CFDP1: variants seen among roughly 807,000 people sequenced by gnomAD.
CFDP1 encodes chromatin remodeling protein CFDP1.
CFDP1 carries 31 observed loss-of-function variants against 40.1 expected under a neutral mutation model. The ratio of observed to expected loss-of-function variants is 0.77; its 90% CI spans 0.58 to 1.04. CFDP1 has a LOEUF of 1.04. Among genes scored for constraint, CFDP1 ranks in the 50% least tolerant of loss-of-function variants. CFDP1 has a pLI of 0.00. For missense variants in CFDP1, 423 were observed against 343.4 expected (o/e 1.23, Z -1.83); for synonymous variants, 167 against 120.0 (o/e 1.39, Z -2.56).
chr16:75,306,859 T>C (rs558196389), intron 5 of CFDP1, among the ~76,000 whole-genome samples: 1 of 150,832 alleles, frequency 6.6e-6, no homozygotes, highest in East Asian at 1.9e-4. Flanking sequence ...ACCCCTACAA[T>C]GTCATATGTG....
intron 5 of CFDP1, among the ~76,000 whole-genome samples, chr16:75,325,312 A>G (rs552033179): frequency 6.6e-6 from 1 of 152,232 alleles, no homozygotes; most frequent in Non-Finnish European, 1.5e-5. Context: ...GCATGCATCT[A>G]CCTTAGAGGC....
chr16:75,414,185 T>A (rs1312818586), intron 2 of CFDP1, among the ~76,000 whole-genome samples: 1 of 151,932 alleles, frequency 6.6e-6, no homozygotes, highest in Non-Finnish European at 1.5e-5. Context: ...AGAAAGTGAG[T>A]ATGCTACTAT....
chr16:75,306,968 C>G (rs2078262813), intron 5 of CFDP1, among the ~76,000 whole-genome samples: 1 of 152,012 alleles, frequency 6.6e-6, no homozygotes, highest in African/African-American at 2.4e-5. Context: ...GATATGGAAA[C>G]TTACTGTGTC....
At chr16:75,339,521 A>G (rs1439897990) in intron 5 of CFDP1, among the ~76,000 whole-genome samples, 7 of 152,038 alleles carry the variant, frequency 4.6e-5, no homozygotes. Context: ...GTGCTTGCTC[A>G]TGGCTGTCTA....
Position 75,305,156 on chromosome 16 carries a change from C to G in CFDP1, c.677G>C (p.Ser226Thr). The change falls in exon 6 of 7, where the codon AGC (serine) becomes ACC (threonine). Residue 226 changes from serine (S) to threonine (T), a missense_variant. Coordinates refer to ENST00000283882, the MANE Select transcript of CFDP1 (RefSeq NM_006324.3). ...CTTGGCACCAATTTTCCCCAAAAGG[C>G]TGCTCATGCCACTTGATCTTTTTAA... ...SGLKRSSGMS[S>T]LLGKIGAKKQ... 6.2e-7 allele frequency: 1 copy of G among 1,614,144 alleles called. No individual in the cohort carries two copies. The highest frequency in any genetic ancestry group is 8.5e-7 in the Non-Finnish European group (1 of 1,180,022).
chr16:75,342,962 TGAGA>T (rs764825685), intron 5 of CFDP1, among the ~76,000 whole-genome samples: 5 of 152,070 alleles, frequency 3.3e-5, no homozygotes, highest in African/African-American at 4.8e-5. Context: ...CTGCCCTAGG[TGAGA>T]TGGCACCCCC....
At chr16:75,295,914 C>A (rs1289908585) in intron 6 of CFDP1, among the ~76,000 whole-genome samples, 1 of 152,176 alleles carries the variant, frequency 6.6e-6, no homozygotes, top group Non-Finnish European at 1.5e-5. Context: ...ACCCGTGATT[C>A]TTGAGTGGGG....
chr16:75,293,983 C>T lies in CFDP1; in HGVS notation c.869G>A (p.Arg290Gln), dbSNP rs1555551586. 7 of 1,614,118 alleles carry T rather than the reference C, an allele frequency of 4.3e-6. No individual in the cohort carries two copies. Among genetic ancestry groups the T allele is most frequent in the Non-Finnish European group, 5.9e-6 (7 of 1,180,012 alleles). Residue 290 changes from arginine (R) to glutamine (Q), a missense_variant, in exon 7 of 7, where the codon CGA (arginine) becomes CAA (glutamine). Arg to Gln is a conservative substitution (Grantham distance 43). Transcript: ENST00000283882. Reference sequence around the variant, plus strand: ...TTTCATTTTGCTCAGCCTGAGATCTCGCTCAATTTCAAACTGCCTGTGATC... The same window carrying T: ...TTTCATTTTGCTCAGCCTGAGATCTTGCTCAATTTCAAACTGCCTGTGATC... ...RVDHRQFEIERDLRLSKMKP is the reference protein window; with the variant it reads ...RVDHRQFEIEQDLRLSKMKP
intron 5 of CFDP1, among the ~76,000 whole-genome samples, chr16:75,349,650 CAA>C (rs61472076): frequency 6.5e-4 from 15 of 23,238 alleles, no homozygotes; most frequent in African/African-American, 1.3e-3. Flanking sequence ...GACTCCGTCT[CAA>C]AAAAAAAAAA....
chr16:75,406,782 T>C lies in CFDP1; in HGVS notation c.530+5043A>G, dbSNP rs996647833. 3 of 152,236 alleles carry C rather than the reference T, an allele frequency of 2.0e-5. No homozygotes were observed. The East Asian group carries it at 5.8e-4, about 29-fold the overall frequency. The allele number at this position is 152,236 out of a possible 1,614,324, so 9.4% of individuals were successfully genotyped here. On this transcript the variant is annotated intron_variant, in intron 4 of 6. Transcript: ENST00000283882. ...ACTCATGCCTGTAATCCCAGCACTTTGGGAGGCCGAGGCGGGAGCATCACT... is the reference window on the plus strand; with the variant it reads ...ACTCATGCCTGTAATCCCAGCACTTCGGGAGGCCGAGGCGGGAGCATCACT...
chr16:75,328,379 G>A (rs1467118646), intron 5 of CFDP1, among the ~76,000 whole-genome samples: 3 of 148,962 alleles, frequency 2.0e-5, no homozygotes, highest in African/African-American at 4.9e-5. Context: ...GAGGTCAGGA[G>A]TTCGAGACCA....
Position 75,414,660 on chromosome 16 carries a change from C to G in CFDP1, c.100G>C (p.Val34Leu), listed in dbSNP as rs751839135. The change falls in exon 2 of 7, where the codon GTG becomes CTG. Residue 34 changes from valine to leucine, a missense_variant. Transcript: ENST00000283882. Reference protein sequence around the residue: ...EYSEDDVNELVKEDEVDGEEQ... With the variant: ...EYSEDDVNELLKEDEVDGEEQ... Reference sequence around the variant, plus strand: ...TCACCATCCACTTCATCTTCCTTCACTAATTCATTTACATCATCTTCACTA... The same window carrying G: ...TCACCATCCACTTCATCTTCCTTCAGTAATTCATTTACATCATCTTCACTA... The G allele has an allele frequency of 6.2e-7, 1 of 1,613,492 alleles. No homozygotes were observed. Among genetic ancestry groups the G allele is most frequent in the East Asian group, 2.2e-5 (1 of 44,864 alleles).
At chr16:75,296,928 G>C (rs910313480) in intron 6 of CFDP1, among the ~76,000 whole-genome samples, 5 of 152,276 alleles carry the variant, frequency 3.3e-5, no homozygotes, top group African/African-American at 1.2e-4. Context: ...AGACAGAAAA[G>C]GTACTAAGAA....
chr16:75,346,718 C>T (rs1376083796), intron 5 of CFDP1, among the ~76,000 whole-genome samples: 1 of 66,582 alleles, frequency 1.5e-5, no homozygotes. Flanking sequence ...AAATCTTCCA[C>T]TCAAAAAAAA....
At chr16:75,330,357 C>A (rs754033207) in intron 5 of CFDP1, among the ~76,000 whole-genome samples, 1 of 152,200 alleles carries the variant, frequency 6.6e-6, no homozygotes, top group Non-Finnish European at 1.5e-5. Context: ...GAGGCCAAGG[C>A]AGGTGGATCA....
At chr16:75,358,444 A>T (rs2078660349) in intron 5 of CFDP1, among the ~76,000 whole-genome samples, 1 of 149,892 alleles carries the variant, frequency 6.7e-6, no homozygotes, top group Non-Finnish European at 1.5e-5. Flanking sequence ...ACAGCAAGTT[A>T]TTAAGTAAAA....
rs888136533 is a variant in CFDP1 at position 75,396,650 on chromosome 16, C to T, written c.531-1441G>A. On this transcript the variant is annotated intron_variant, in intron 4 of 6. Coordinates refer to ENST00000283882, the MANE Select transcript of CFDP1 (RefSeq NM_006324.3). ...AAATTAGCAATAATTTGGGAATGGA[C>T]GAAAGCAACATGACTGAGAATTTTG... 2.2e-4 allele frequency among the ~76,000 whole-genome samples: 23 copies of T among 105,426 alleles called. 6 individuals carry two copies. Among genetic ancestry groups the T allele is most frequent in the South Asian group, 6.5e-4 (2 of 3,070 alleles). 69.2% of individuals were successfully genotyped at this position (105,426 alleles called of 152,430 possible).
chr16:75,387,277 A>T (rs1295535442), intron 5 of CFDP1, among the ~76,000 whole-genome samples: 5 of 151,818 alleles, frequency 3.3e-5, no homozygotes. Context: ...AGTACCTGGG[A>T]CTACAGGCGC....
intron 4 of CFDP1, among the ~76,000 whole-genome samples, chr16:75,405,743 C>T (rs1384241192): frequency 7.7e-6 from 1 of 129,908 alleles, no homozygotes; most frequent in Non-Finnish European, 1.7e-5. Flanking sequence ...GAGTGAGACT[C>T]CATCTCAAAA....
Sources: allele counts gnomAD v4.1 joint callset (sites outside exome capture counted in the v4.1 genomes callset), GRCh38; gene constraint gnomAD v4.1.1; transcripts MANE v1.5; gene names NCBI Gene and HGNC (gene_info 2026-07-23, HGNC 2026-07-21).